ZC3H6: variants seen among roughly 807,000 people sequenced by gnomAD.
The protein encoded by ZC3H6 is zinc finger CCCH domain-containing protein 6.
ZC3H6 carries 40 observed loss-of-function variants against 107.7 expected under a neutral mutation model. That is an observed-to-expected ratio of 0.37 (90% CI 0.29 to 0.48). ZC3H6 has a LOEUF of 0.48. Ranked by LOEUF, ZC3H6 falls within the 20% of genes least tolerant of loss-of-function variation. The pLI, the probability that ZC3H6 is intolerant of heterozygous loss-of-function variation, is 0.98. For synonymous variants in ZC3H6, 493 were observed against 487.9 expected, an observed-to-expected ratio of 1.01 and a Z score of -0.14; for missense variants, 1,267 against 1,410.4, an observed-to-expected ratio of 0.90 and a Z score of 1.63.
intron 1 of ZC3H6, among the ~76,000 whole-genome samples, chr2:112,291,272 C>T (rs185117902): frequency 6.6e-5 from 10 of 152,248 alleles, no homozygotes; most frequent in South Asian, 4.1e-4. Context: ...CTCACTCTGT[C>T]GGCCAGGCTG....
In ZC3H6 at chr2:112,332,392, C is replaced by G; in HGVS notation, c.3474C>G (p.Ser1158Arg). 1 of 1,613,666 alleles carries G rather than the reference C, an allele frequency of 6.2e-7. No individual in the cohort carries two copies. The highest frequency in any genetic ancestry group is 8.5e-7 in the Non-Finnish European group (1 of 1,179,886). The change falls in exon 12 of 12, where the codon AGC (serine) becomes AGG (arginine). Residue 1158 changes from serine (S) to arginine (R), a missense_variant. Around this residue, in one of 3 missense-constraint regions of ZC3H6, gnomAD observed 925 missense variants for 1,025.7 expected, o/e 0.90. Transcript: ENST00000409871. ...AGGCAAGGCAGCCAGGACAGGGGAG[C>G]CCGACCCCAGATAATGATCCCGGTA... ...PRQARQPGQG[S>R]PTPDNDPGRE... is the part of the protein sequence containing the mutation.
chr2:112,279,581 C>T (rs1258587206), intron 1 of ZC3H6, among the ~76,000 whole-genome samples: 1 of 152,048 alleles, frequency 6.6e-6, no homozygotes, highest in Non-Finnish European at 1.5e-5. Flanking sequence ...AGCTTTCTGT[C>T]CTGTACTACA....
At chr2:112,326,832 C>T (rs1345799010) in intron 11 of ZC3H6, among the ~76,000 whole-genome samples, 5 of 152,120 alleles carry the variant, frequency 3.3e-5, no homozygotes, top group Admixed American at 6.6e-5. Context: ...ACGCTTGTCA[C>T]GAACTCCTGA....
At chr2:112,308,748 A>G (rs1364999250) in intron 3 of ZC3H6, among the ~76,000 whole-genome samples, 4 of 149,854 alleles carry the variant, frequency 2.7e-5, no homozygotes, top group African/African-American at 9.8e-5. Flanking sequence ...GTATTTTAAT[A>G]TCACATTTAA....
chr2:112,281,783 G>A (rs908453473), intron 1 of ZC3H6, among the ~76,000 whole-genome samples: 2 of 152,108 alleles, frequency 1.3e-5, no homozygotes, highest in African/African-American at 4.8e-5. Context: ...AGGTATGTGT[G>A]TCAAGAGGTA....
At chr2:112,308,314 T>G (rs1676516051) in intron 3 of ZC3H6, among the ~76,000 whole-genome samples, 1 of 152,006 alleles carries the variant, frequency 6.6e-6, no homozygotes. Flanking sequence ...TTTTTCTCTA[T>G]TTTATAATTA....
intron 8 of ZC3H6, among the ~76,000 whole-genome samples, chr2:112,322,074 T>G (rs544330965): frequency 1.3e-5 from 2 of 149,106 alleles, no homozygotes; most frequent in Non-Finnish European, 3.0e-5. Context: ...CCATTTCAAC[T>G]TTTTTTTTTC....
At position 112,312,824 on chromosome 2, in the gene ZC3H6, C is replaced by T. The variant is rs528178385; in HGVS notation, c.747+887C>T. Among the ~76,000 whole-genome samples, 9 of 149,760 alleles carry T rather than the reference C, an allele frequency of 6.0e-5. No homozygotes were observed. The South Asian group carries it at 1.9e-3, about 32-fold the overall frequency. On this transcript the variant is annotated intron_variant, in intron 5 of 11. Coordinates refer to ENST00000409871, the MANE Select transcript of ZC3H6 (RefSeq NM_198581.3). Reference sequence around the variant, plus strand: ...GCAGTGAGCCAAGATGGCTCCACTACACTCCAGCCTGGGTGACAGAGCGAG... The same window carrying T: ...GCAGTGAGCCAAGATGGCTCCACTATACTCCAGCCTGGGTGACAGAGCGAG...
chr2:112,280,783 T>A (rs1686512574), intron 1 of ZC3H6, among the ~76,000 whole-genome samples: 1 of 152,114 alleles, frequency 6.6e-6, no homozygotes, highest in African/African-American at 2.4e-5. Flanking sequence ...ATGATAAAAG[T>A]GTTAGTATGT....
At chr2:112,295,410 C>T (rs766430243) in intron 1 of ZC3H6, among the ~76,000 whole-genome samples, 10 of 152,116 alleles carry the variant, frequency 6.6e-5, no homozygotes, top group Non-Finnish European at 1.5e-4. Flanking sequence ...ATGATAAGAA[C>T]TCTTAATTAT....
chr2:112,321,715 C>A (rs1452480787), intron 7 of ZC3H6, 41 bp from the exon 8 acceptor site: 1 of 1,232,410 alleles, frequency 8.1e-7, no homozygotes, highest in Non-Finnish European at 1.1e-6. Flanking sequence ...AAAAATTAGA[C>A]CTTGATTTTA....
intron 1 of ZC3H6, among the ~76,000 whole-genome samples, chr2:112,282,060 C>T (rs1488397756): frequency 6.6e-6 from 1 of 152,224 alleles, no homozygotes; most frequent in African/African-American, 2.4e-5. Context: ...GACTTGTGCT[C>T]TACACTCCAC....
At position 112,275,894 on chromosome 2, in the gene ZC3H6, G is replaced by A. The variant is rs192866966; in HGVS notation, c.-101G>A. Reference sequence around the variant, plus strand: ...ACTTCGTCACCTGTCGGCGGCGGCCGGGAGCAGGTTCCCGCAGGCGGCGCG... The same window carrying A: ...ACTTCGTCACCTGTCGGCGGCGGCCAGGAGCAGGTTCCCGCAGGCGGCGCG... On this transcript the variant is annotated 5_prime_UTR_variant, in exon 1 of 12. Coordinates refer to ENST00000409871, the MANE Select transcript of ZC3H6 (RefSeq NM_198581.3). The A allele has an allele frequency of 8.0e-3, 8,068 of 1,011,160 alleles. 93 individuals carry two copies. The highest frequency in any genetic ancestry group is 0.042 in the Middle Eastern group (131 of 3,088). The allele number at this position is 1,011,160 out of a possible 1,614,324, so 62.6% of individuals were successfully genotyped here.
intron 1 of ZC3H6, among the ~76,000 whole-genome samples, chr2:112,292,178 C>T (rs540167166): frequency 6.6e-6 from 1 of 152,254 alleles, no homozygotes; most frequent in African/African-American, 2.4e-5. Context: ...AGGGTCAACA[C>T]TTTTGAGTGC....
chr2:112,297,718 G>C (rs1676268456), intron 1 of ZC3H6, among the ~76,000 whole-genome samples: 1 of 152,158 alleles, frequency 6.6e-6, no homozygotes, highest in Non-Finnish European at 1.5e-5. Flanking sequence ...CTTTTTTACA[G>C]ATTCAAGTTG....
chr2:112,318,380 G>A (rs1361543660), intron 7 of ZC3H6, among the ~76,000 whole-genome samples: 1 of 152,084 alleles, frequency 6.6e-6, no homozygotes, highest in African/African-American at 2.4e-5. Context: ...AATGAAGTGA[G>A]AAAGATTATG....
At chr2:112,297,254 T>A (rs564586785) in intron 1 of ZC3H6, among the ~76,000 whole-genome samples, 1 of 152,372 alleles carries the variant, frequency 6.6e-6, no homozygotes, top group South Asian at 2.1e-4. Context: ...TAGTGGATTA[T>A]TTTGAAGCAG....
At chr2:112,311,115 C>T (rs1161803936) in intron 4 of ZC3H6, among the ~76,000 whole-genome samples, 1 of 152,114 alleles carries the variant, frequency 6.6e-6, no homozygotes, top group South Asian at 2.1e-4. Flanking sequence ...TTTCAAGCTC[C>T]TACTTGTTTG....
At chr2:112,285,239 A>G (rs1175663065) in intron 1 of ZC3H6, among the ~76,000 whole-genome samples, 1 of 152,204 alleles carries the variant, frequency 6.6e-6, no homozygotes, top group East Asian at 1.9e-4. Context: ...GCATTAATGT[A>G]CATTTATACT....
Sources: gnomAD v4.1 joint callset for allele counts (sites outside exome capture counted in the v4.1 genomes callset) on GRCh38, gnomAD v4.1.1 for gene constraint, gnomAD v4.1.1 regional missense constraint, MANE v1.5 for transcripts, NCBI Gene and HGNC (gene_info 2026-07-23, HGNC 2026-07-21) for gene names.